Variants in TMEM167B observed in about 807,000 individuals in gnomAD.
TMEM167B encodes the protein protein kish-B.
Under a neutral mutation model 9.4 loss-of-function variants are expected in TMEM167B, and 2 were observed. The ratio of observed to expected loss-of-function variants is 0.21; its 90% CI spans 0.09 to 0.67. The LOEUF (loss-of-function observed/expected upper bound fraction) is 0.67, where lower values mean the gene tolerates loss of function less well. TMEM167B is among the 30% of genes least tolerant of loss of function. The pLI, the probability that TMEM167B is intolerant of heterozygous loss-of-function variation, is 0.82. For synonymous variants in TMEM167B, 28 were observed against 32.0 expected, an observed-to-expected ratio of 0.87 and a Z score of 0.42; for missense variants, 68 against 87.6, an observed-to-expected ratio of 0.78 and a Z score of 0.89.
At chr1:109,092,123 G>C (rs537035116) in intron 1 of TMEM167B, among the ~76,000 whole-genome samples, 1 of 152,284 alleles carries the variant, frequency 6.6e-6, no homozygotes, top group East Asian at 1.9e-4. Flanking sequence ...CTTGGTTTAT[G>C]TATTTAAGAA....
chr1:109,094,508 G>C lies in TMEM167B; in HGVS notation c.*9G>C. The C allele has an allele frequency of 6.2e-7, 1 of 1,613,494 alleles. No individual in the cohort carries two copies. The highest frequency in any genetic ancestry group is 8.5e-7 in the Non-Finnish European group (1 of 1,179,962). On this transcript the variant is annotated 3_prime_UTR_variant, in exon 3 of 3. Coordinates refer to ENST00000338272, the MANE Select transcript of TMEM167B (RefSeq NM_020141.4). Reference sequence around the variant, plus strand: ...TCCTGTTTATAAAATGAATTCCAAAGCACCCAAGTCATCAACTGCCAACCA... The same window carrying C: ...TCCTGTTTATAAAATGAATTCCAAACCACCCAAGTCATCAACTGCCAACCA...
rs1347432769 is a variant in TMEM167B at position 109,094,545 on chromosome 1, A to T, written c.*46A>T. On this transcript the variant is annotated 3_prime_UTR_variant, in exon 3 of 3. Transcript: ENST00000338272. ...TCAACTGCCAACCAAGGGGACGGGG[A>T]TGAAGAACCTGTTGGAGACCTGAAC... 6.3e-7 allele frequency: 1 copy of T among 1,592,540 alleles called. No individual in the cohort carries two copies. Among genetic ancestry groups the T allele is most frequent in the Non-Finnish European group, 8.6e-7 (1 of 1,161,714 alleles).
In TMEM167B at chr1:109,093,097, G is replaced by A. The variant is rs1664486962; in HGVS notation, c.142+76G>A. On this transcript the variant is annotated intron_variant, in intron 2 of 2. Transcript: ENST00000338272. ...GGAGCTACAAAGTAGGGAGTACAGT[G>A]AGCTGGGATTATATTTGGTTTCATT... The A allele has an allele frequency of 1.9e-6, 3 of 1,554,842 alleles. No individual in the cohort carries two copies. In the African/African-American group the frequency reaches 4.1e-5, roughly 21 times the overall value.
chr1:109,091,313 T>G (rs534099), intron 1 of TMEM167B, among the ~76,000 whole-genome samples: 147,528 of 152,248 alleles, frequency 0.97, 71,516 homozygotes, highest in East Asian at 1. Flanking sequence ...ACTTTTGGGG[T>G]TGCTGGTGAA....
chr1:109,093,848 T>A (rs1182890360), intron 2 of TMEM167B: 1 of 152,654 alleles, frequency 6.6e-6, no homozygotes, highest in Non-Finnish European at 1.5e-5. Flanking sequence ...TTTAGAAACA[T>A]CTCAGAGGCC....
At chr1:109,092,478 C>T (rs565351) in intron 1 of TMEM167B, among the ~76,000 whole-genome samples, 16,460 of 152,130 alleles carry the variant, frequency 0.11, 1,162 homozygotes, top group African/African-American at 0.19. Flanking sequence ...ATTGCCAACA[C>T]TAGTCATTCC....
At position 109,095,076 on chromosome 1, in the gene TMEM167B, G is replaced by A. The variant is rs1054485217; in HGVS notation, c.*577G>A. On this transcript the variant is annotated 3_prime_UTR_variant, in exon 3 of 3. Coordinates refer to ENST00000338272, the MANE Select transcript of TMEM167B (RefSeq NM_020141.4). ...AGGCATAGTGCTCATTGCAAAAAGA[G>A]AACAGATGAAGTAGCTGTGTTATGT... The A allele has an allele frequency of 6.6e-6, 1 of 152,294 alleles. No individual in the cohort carries two copies. The highest frequency in any genetic ancestry group is 1.5e-5 in the Non-Finnish European group (1 of 68,128). 9.4% of individuals were successfully genotyped at this position (152,294 alleles called of 1,614,324 possible).
In TMEM167B at chr1:109,096,370, G is replaced by A. The variant is rs566303898; in HGVS notation, c.*1871G>A. ...AGGGAATGTCACTCCCTGGAAACAG[G>A]TTCAGCATGTTTGCACTTGTTATTT... On this transcript the variant is annotated 3_prime_UTR_variant, in exon 3 of 3. Transcript: ENST00000338272. 5 of 152,332 alleles carry A rather than the reference G, an allele frequency of 3.3e-5. No individual in the cohort carries two copies. The highest frequency in any genetic ancestry group is 3.4e-3 in the Middle Eastern group (1 of 294). 9.4% of individuals were successfully genotyped at this position (152,332 alleles called of 1,614,324 possible). A position where few individuals can be genotyped will look rare whatever the true frequency, so the allele number is the denominator to read the frequency against.
Position 109,094,431 on chromosome 1 carries a change from A to C in TMEM167B, c.157A>C (p.Thr53Pro). 4 of 1,613,978 alleles carry C rather than the reference A, an allele frequency of 2.5e-6. No homozygotes were observed. The highest frequency in any genetic ancestry group is 3.4e-6 in the Non-Finnish European group (4 of 1,180,004). The change falls in exon 3 of 3, where the codon ACC becomes CCC. Residue 53 changes from threonine (T) to proline (P), a missense_variant. Transcript: ENST00000338272. Reference protein sequence around the residue: ...GVFYKAAVIGTRLHAAVAIAC... With the variant: ...GVFYKAAVIGPRLHAAVAIAC... The stretch of plus-strand genomic sequence containing the variant: ...TTGCCTGCTAGCCGCTGTGATTGGA[A>C]CCAGGCTGCATGCTGCTGTGGCAAT...
chr1:109,091,050 C>A (rs1339520777), intron 1 of TMEM167B, among the ~76,000 whole-genome samples, 168 bp downstream of exon 1: 1 of 152,080 alleles, frequency 6.6e-6, no homozygotes, highest in Non-Finnish European at 1.5e-5. Context: ...TACGGGTTCC[C>A]CCTTCCCATA....
Position 109,093,037 on chromosome 1 carries a change from G to T in TMEM167B, c.142+16G>T, listed in dbSNP as rs1167056430. On this transcript the variant is annotated intron_variant, in intron 2 of 2. Transcript: ENST00000338272. ...TTTTACAAAGGTGAGGCCATGTCTG[G>T]ACAGGGAGAAGAGACTGCCATCTCT... The T allele has an allele frequency of 6.2e-7, 1 of 1,613,860 alleles. No homozygotes were observed. Among genetic ancestry groups the T allele is most frequent in the African/African-American group, 1.3e-5 (1 of 74,912 alleles).
In TMEM167B at chr1:109,096,064, A is replaced by G. The variant is rs939539267; in HGVS notation, c.*1565A>G. 2.0e-5 allele frequency: 3 copies of G among 152,212 alleles called. No homozygotes were observed. Among genetic ancestry groups the G allele is most frequent in the South Asian group, 2.1e-4 (1 of 4,836 alleles). 9.4% of individuals were successfully genotyped at this position (152,212 alleles called of 1,614,324 possible). A position where few individuals can be genotyped will look rare whatever the true frequency, so the allele number is the denominator to read the frequency against. On this transcript the variant is annotated 3_prime_UTR_variant, in exon 3 of 3. Coordinates refer to ENST00000338272, the MANE Select transcript of TMEM167B (RefSeq NM_020141.4). ...AAATTGTCTTCTGTCTGCTTACTCC[A>G]AATAATAAAAGCTGCTAGGAAGTTT...
intron 1 of TMEM167B, among the ~76,000 whole-genome samples, chr1:109,092,570 A>G (rs1025345991): frequency 1.3e-5 from 2 of 149,788 alleles, no homozygotes; most frequent in African/African-American, 4.9e-5. Context: ...AAGGGGATGT[A>G]AAAAAAAAAA....
chr1:109,092,612 C>T (rs577749), intron 1 of TMEM167B, among the ~76,000 whole-genome samples: 2,046 of 152,108 alleles, frequency 0.013, 46 homozygotes, highest in African/African-American at 0.046. Flanking sequence ...CACTCTGTTG[C>T]TCAGGCTACA....
rs908581334 is a variant in TMEM167B, at chr1:109,090,839, C to G, written c.-34C>G. On this transcript the variant is annotated 5_prime_UTR_variant, in exon 1 of 3. Transcript: ENST00000338272. ...ATCTCCGCCGCTATTACCACTGAAC[C>G]CGGACCCCCTACCCAGGTCCAGGGC... is the stretch of plus-strand genomic sequence containing the variant. 6.3e-6 allele frequency: 10 copies of G among 1,581,204 alleles called. No homozygotes were observed. The highest frequency in any genetic ancestry group is 8.6e-6 in the Non-Finnish European group (10 of 1,163,456).
At position 109,094,648 on chromosome 1, in the gene TMEM167B, A is replaced by T; in HGVS notation, c.*149A>T. 1.4e-6 allele frequency: 1 copy of T among 699,612 alleles called. No individual in the cohort carries two copies. Among genetic ancestry groups the T allele is most frequent in the South Asian group, 1.8e-5 (1 of 56,800 alleles). 43.3% of individuals were successfully genotyped at this position (699,612 alleles called of 1,614,324 possible). On this transcript the variant is annotated 3_prime_UTR_variant, in exon 3 of 3. Transcript: ENST00000338272. ...CATCTGCCCCTGCTATATGTGGGGA[A>T]AACTCATGGTCACGAACATTATTTA...
rs1664427480 is a variant in TMEM167B, at chr1:109,090,778, G to T, written c.-95G>T. ...TACTACGGCTTCTTCCAGTCACCTCGGCCCGGATCGGGAAGTGTCAAGCGG... is the reference window on the plus strand; with the variant it reads ...TACTACGGCTTCTTCCAGTCACCTCTGCCCGGATCGGGAAGTGTCAAGCGG... On this transcript the variant is annotated 5_prime_UTR_variant, in exon 1 of 3. Coordinates refer to ENST00000338272, the MANE Select transcript of TMEM167B (RefSeq NM_020141.4). 4.0e-6 allele frequency: 6 copies of T among 1,482,398 alleles called. No homozygotes were observed. The highest frequency in any genetic ancestry group is 5.5e-6 in the Non-Finnish European group (6 of 1,083,968). The allele number at this position is 1,482,398 out of a possible 1,614,324, so 91.8% of individuals were successfully genotyped here. A position where few individuals can be genotyped will look rare whatever the true frequency, so the allele number is the denominator to read the frequency against.
rs1664559801 is a variant in TMEM167B, at chr1:109,095,929, A to G, written c.*1430A>G. 1 of 152,224 alleles carries G rather than the reference A, an allele frequency of 6.6e-6. No homozygotes were observed. The highest frequency in any genetic ancestry group is 1.5e-5 in the Non-Finnish European group (1 of 68,046). 9.4% of individuals were successfully genotyped at this position (152,224 alleles called of 1,614,324 possible). ...TATTTAAAAAAAAAGAGTAGGTCTA[A>G]AATTAAATTATTATAAGCAAGCATA... On this transcript the variant is annotated 3_prime_UTR_variant, in exon 3 of 3. Coordinates refer to ENST00000338272, the MANE Select transcript of TMEM167B (RefSeq NM_020141.4).
chr1:109,094,669 A>G lies in TMEM167B; in HGVS notation c.*170A>G. 2 of 638,632 alleles carry G rather than the reference A, an allele frequency of 3.1e-6. No homozygotes were observed. The highest frequency in any genetic ancestry group is 5.5e-6 in the Non-Finnish European group (2 of 363,472). 39.6% of individuals were successfully genotyped at this position (638,632 alleles called of 1,614,324 possible). A position where few individuals can be genotyped will look rare whatever the true frequency, so the allele number is the denominator to read the frequency against. On this transcript the variant is annotated 3_prime_UTR_variant, in exon 3 of 3. Transcript: ENST00000338272. ...GGGAAAACTCATGGTCACGAACATT[A>G]TTTATGCTTCAGGGGACTACAGAAA...
Sources: gnomAD v4.1 joint callset for allele counts (sites outside exome capture counted in the v4.1 genomes callset) on GRCh38, gnomAD v4.1.1 for gene constraint, MANE v1.5 for transcripts, NCBI Gene and HGNC (gene_info 2026-07-23, HGNC 2026-07-21) for gene names.